TASP1: variants seen among roughly 807,000 people sequenced by gnomAD.
The protein encoded by TASP1 is taspase 1.
A neutral mutation model predicts 56.6 loss-of-function variants in TASP1; 16 were observed. The observed-to-expected ratio is 0.28, with a 90% CI of 0.19 to 0.43. TASP1 has a LOEUF of 0.43. Ranked by LOEUF, TASP1 falls within the 20% of genes least tolerant of loss-of-function variation. The pLI is 1.00. For missense variants in TASP1, 393 were observed against 511.6 expected, an observed-to-expected ratio of 0.77 and a Z score of 2.24; for synonymous variants, 179 against 184.2, an observed-to-expected ratio of 0.97 and a Z score of 0.23.
chr20:13,279,154 G>A, the TASP1 span, among the ~76,000 whole-genome samples: 8 of 152,286 alleles, frequency 5.3e-5, no homozygotes, highest in South Asian at 1.7e-3. Flanking sequence ...TACAGGTGGA[G>A]CATTTAGGAT....
the TASP1 span, chr20:13,292,588 C>G: frequency 1.5e-6 from 1 of 658,730 alleles, no homozygotes; most frequent in Non-Finnish European, 2.7e-6. Flanking sequence ...TCCAGTGCTC[C>G]CAGCATGTGT....
chr20:13,174,011 A>G, the TASP1 span, among the ~76,000 whole-genome samples: 1 of 152,148 alleles, frequency 6.6e-6, no homozygotes, highest in African/African-American at 2.4e-5. Flanking sequence ...CAGTTTAAGG[A>G]CTAGAAGAGA....
the TASP1 span, among the ~76,000 whole-genome samples, chr20:13,224,201 A>G: frequency 6.6e-6 from 1 of 152,186 alleles, no homozygotes; most frequent in African/African-American, 2.4e-5. Context: ...TTTTCCAAGC[A>G]GAATGATGAG....
the TASP1 span, among the ~76,000 whole-genome samples, chr20:13,366,727 G>A: frequency 6.6e-6 from 1 of 152,118 alleles, no homozygotes; most frequent in Non-Finnish European, 1.5e-5. Context: ...CTAAGAAAAT[G>A]AGCATTTAAT....
intron 13 of TASP1, among the ~76,000 whole-genome samples, chr20:13,391,924 C>T (rs576831696): frequency 2.7e-5 from 4 of 149,074 alleles, no homozygotes; most frequent in Non-Finnish European, 4.4e-5. Flanking sequence ...GCCGAGATCA[C>T]GCCACTGCAC....
chr20:13,126,724 G>C, the TASP1 span: 1 of 1,613,756 alleles, frequency 6.2e-7, no homozygotes, highest in Non-Finnish European at 8.5e-7. Context: ...CAAGGTAAGA[G>C]GATCTGCAGA....
At chr20:13,253,433 T>G in the TASP1 span, among the ~76,000 whole-genome samples, 1 of 152,348 alleles carries the variant, frequency 6.6e-6, no homozygotes, top group Admixed American at 6.5e-5. Flanking sequence ...AAGATAAAAG[T>G]GCACTCTTTG....
chr20:13,421,953 C>CTT (rs1179688722), intron 12 of TASP1, among the ~76,000 whole-genome samples: 8 of 139,036 alleles, frequency 5.8e-5, no homozygotes, highest in Admixed American at 7.2e-5. Flanking sequence ...TCTGTTTAAC[C>CTT]TTTTTTTTTT....
At chr20:13,513,401 AGAGG>A in intron 10 of TASP1, among the ~76,000 whole-genome samples, 1 of 143,850 alleles carries the variant, frequency 7.0e-6, no homozygotes, top group Non-Finnish European at 1.5e-5. Context: ...AAGAAACAAA[AGAGG>A]GAGGGAGGGA....
chr20:13,442,023 C>G (rs749726805), intron 11 of TASP1, among the ~76,000 whole-genome samples: 2 of 152,252 alleles, frequency 1.3e-5, no homozygotes, highest in South Asian at 2.1e-4. Flanking sequence ...TCTTATCCTT[C>G]CCAATCTTAT....
In TASP1 at chr20:13,524,232, C is replaced by T. The variant is rs181133617; in HGVS notation, c.874+4201G>A. 1.2e-3 allele frequency among the ~76,000 whole-genome samples: 188 copies of T among 152,004 alleles called. 1 individual carries two copies. The highest frequency in any genetic ancestry group is 2.0e-3 in the Non-Finnish European group (138 of 67,984). On this transcript the variant is annotated intron_variant, in intron 10 of 13. Transcript: ENST00000337743. ...ATGTTAAGGTAAACCAAAGCATAAACTTAATCTCTTGCTTTTTTCCCCTCC... is the reference window on the plus strand; with the variant it reads ...ATGTTAAGGTAAACCAAAGCATAAATTTAATCTCTTGCTTTTTTCCCCTCC...
rs1349933462 is a variant in TASP1, at chr20:13,390,204, A to C, written c.*156T>G. ...CCCACCAAAGGCCCGCGTGTCACTA[A>C]GCGCTAACTACAGCAGCACTTGTGT... is the stretch of plus-strand genomic sequence containing the variant. On this transcript the variant is annotated 3_prime_UTR_variant, in exon 14 of 14. Transcript: ENST00000337743. 3.1e-6 allele frequency: 2 copies of C among 641,798 alleles called. No homozygotes were observed. Among genetic ancestry groups the C allele is most frequent in the African/African-American group, 3.7e-5 (2 of 54,566 alleles). 39.8% of individuals were successfully genotyped at this position (641,798 alleles called of 1,614,324 possible).
At chr20:13,318,514 A>C in the TASP1 span, among the ~76,000 whole-genome samples, 1 of 152,248 alleles carries the variant, frequency 6.6e-6, no homozygotes. Flanking sequence ...GTGTCCACAC[A>C]AAAACAAAAA....
At chr20:13,429,346 C>A (rs1031206525) in intron 12 of TASP1, among the ~76,000 whole-genome samples, 2 of 151,950 alleles carry the variant, frequency 1.3e-5, no homozygotes, top group East Asian at 1.9e-4. Context: ...CAAGTTATTG[C>A]GGGAAAAAAA....
chr20:13,600,260 AG>A lies in TASP1; in HGVS notation c.283-12891del, dbSNP rs1260997663. Among the ~76,000 whole-genome samples the A allele has an allele frequency of 3.9e-5, 6 of 152,222 alleles. No individual in the cohort carries two copies. In the East Asian group the frequency reaches 1.2e-3, roughly 29 times the overall value. ...CTTTCTCTTCTTGTAAAGATTGACA[AG>A]TTGGTTTTAAAATACTTATGTAAAT... On this transcript the variant is annotated intron_variant, in intron 4 of 13. Coordinates refer to ENST00000337743, the MANE Select transcript of TASP1 (RefSeq NM_017714.3).
the TASP1 span, among the ~76,000 whole-genome samples, chr20:13,251,689 T>G: frequency 1.9e-4 from 29 of 152,194 alleles, no homozygotes; most frequent in African/African-American, 7.0e-4. Flanking sequence ...TGCAACAGAC[T>G]CTATCTTCTG....
chr20:13,304,026 G>T, the TASP1 span, among the ~76,000 whole-genome samples: 2 of 152,188 alleles, frequency 1.3e-5, no homozygotes, highest in Non-Finnish European at 2.9e-5. Flanking sequence ...CCATCTTGTG[G>T]CTCTGCCACC....
At chr20:13,258,326 C>T in the TASP1 span, among the ~76,000 whole-genome samples, 131 of 152,230 alleles carry the variant, frequency 8.6e-4, no homozygotes, top group Non-Finnish European at 1.6e-3. Context: ...CTTTGGTTAA[C>T]AGTAGCCTCT....
intron 1 of TASP1, among the ~76,000 whole-genome samples, chr20:13,631,435 T>C (rs2049083879): frequency 6.6e-6 from 1 of 152,232 alleles, no homozygotes; most frequent in Non-Finnish European, 1.5e-5. Context: ...CAATTACCTT[T>C]ATTTTCTTTT....
Sources: gnomAD v4.1 joint callset for allele counts (sites outside exome capture counted in the v4.1 genomes callset) on GRCh38, gnomAD v4.1.1 for gene constraint, MANE v1.5 for transcripts, NCBI Gene and HGNC (gene_info 2026-07-23, HGNC 2026-07-21) for gene names.